Variants in ZNF658 observed in about 807,000 individuals in gnomAD.
ZNF658 encodes the protein zinc finger protein 658.
ZNF658 carries 46 observed loss-of-function variants against 78.0 expected under a neutral mutation model. That is an observed-to-expected ratio of 0.59 (90% CI 0.47 to 0.75). ZNF658 has a LOEUF of 0.75. ZNF658 is among the 30% of genes least tolerant of loss of function. ZNF658 has a pLI of 0.00. For missense variants in ZNF658, 785 were observed against 1,189.3 expected (o/e 0.66, Z 5.00); for synonymous variants, 279 against 408.4 (o/e 0.68, Z 3.82).
rs544365694 is a variant in ZNF658 at position 66,913,464 on chromosome 9, A to AC, written c.239-4336dup. Among the ~76,000 whole-genome samples, 556 of 150,212 alleles carry AC rather than the reference A, an allele frequency of 3.7e-3. 6 individuals carry two copies. Among genetic ancestry groups the AC allele is most frequent in the South Asian group, 0.012 (55 of 4,772 alleles). On this transcript the variant is annotated intron_variant, in intron 4 of 4. Transcript: ENST00000621410. ...AAAAAAAGTAGAAGCCTCCTCTTCC[A>AC]CCCCCAGGGGGTCAGATCAGTGGGG...
Position 66,908,366 on chromosome 9 carries a change from T to A in ZNF658, c.142+2T>A. 1 of 1,614,074 alleles carries A rather than the reference T, an allele frequency of 6.2e-7. No individual in the cohort carries two copies. The highest frequency in any genetic ancestry group is 1.1e-5 in the South Asian group (1 of 91,066). On this transcript the variant is annotated splice_donor_variant, in intron 3 of 4. Coordinates refer to ENST00000621410, the MANE Select transcript of ZNF658 (RefSeq NM_033160.7). LOFTEE classifies it high-confidence loss of function. The stretch of plus-strand genomic sequence containing the variant: ...ACTACAGCCACCTCATCTCAGTGGG[T>A]GAGCATAGCTTACCATGGGGCTCTC...
intron 4 of ZNF658, among the ~76,000 whole-genome samples, chr9:66,912,831 TGAGGCCAG>T (rs1822244732): frequency 6.7e-6 from 1 of 148,492 alleles, no homozygotes; most frequent in South Asian, 2.1e-4. Flanking sequence ...GCAGACCACT[TGAGGCCAG>T]GAGTTTAACG....
intron 4 of ZNF658, among the ~76,000 whole-genome samples, chr9:66,908,946 C>T (rs1160134566): frequency 2.0e-5 from 3 of 152,192 alleles, no homozygotes; most frequent in Non-Finnish European, 4.4e-5. Context: ...CATGTATAGA[C>T]ATTTTTTTCC....
downstream of ZNF658, among the ~76,000 whole-genome samples, chr9:66,922,394 T>G (rs1822541965): frequency 2.0e-5 from 3 of 151,032 alleles, no homozygotes; most frequent in South Asian, 6.3e-4. Flanking sequence ...GTACCTCAGA[T>G]GGAAATGCAG....
Position 66,912,140 on chromosome 9 carries a change from A to G in ZNF658, c.238+3406A>G, listed in dbSNP as rs550792956. Among the ~76,000 whole-genome samples, 811 of 120,488 alleles carry G rather than the reference A, an allele frequency of 6.7e-3. 122 individuals carry two copies. Among genetic ancestry groups the G allele is most frequent in the African/African-American group, 0.03 (750 of 24,928 alleles). The allele number at this position is 120,488 out of a possible 152,430, so 79.0% of individuals were successfully genotyped here. ...AGAGCAAGACCCCATCTCAAAAAAA[A>G]AAAAAAAAAAGACAAAAGAAAAAAC... On this transcript the variant is annotated intron_variant, in intron 4 of 4. Coordinates refer to ENST00000621410, the MANE Select transcript of ZNF658 (RefSeq NM_033160.7).
intron 1 of ZNF658, 95 bp downstream of exon 1, chr9:66,900,931 C>T (rs1212668112): frequency 6.6e-6 from 1 of 152,018 alleles, no homozygotes; most frequent in African/African-American, 2.4e-5. Context: ...CTCAGGAGTC[C>T]CCAGGATGGC....
chr9:66,918,241 T>C lies in ZNF658; in HGVS notation c.675T>C (p.Tyr225=). Residue 225 remains tyrosine (Y), a synonymous_variant, in exon 5 of 5, where the codon TAT becomes TAC. Transcript: ENST00000621410. ...GTGATGGATCTGGACAAGGTTTATA[T>C]GATAAGACAATTTGTATTACACCTC... ...FECDGSGQGL[Y]DKTICITPQS... 1.3e-5 allele frequency: 21 copies of C among 1,606,170 alleles called. No individual in the cohort carries two copies. Among genetic ancestry groups the C allele is most frequent in the Middle Eastern group, 1.7e-4 (1 of 6,016 alleles).
At chr9:66,906,916 T>C (rs1415132702) in intron 2 of ZNF658, among the ~76,000 whole-genome samples, 2 of 152,176 alleles carry the variant, frequency 1.3e-5, no homozygotes, top group Non-Finnish European at 2.9e-5. Context: ...GGTTTCTCAT[T>C]GCTTTTATGG....
At chr9:66,927,416 T>C (rs1321209949) in intron 6 of ZNF658, among the ~76,000 whole-genome samples, 2 of 152,082 alleles carry the variant, frequency 1.3e-5, no homozygotes, top group Admixed American at 1.3e-4. Context: ...TACACGATGG[T>C]GCATTTACTA....
Position 66,918,391 on chromosome 9 carries a change from T to C in ZNF658, c.825T>C (p.Tyr275=), listed in dbSNP as rs1021545852. 8 of 1,613,616 alleles carry C rather than the reference T, an allele frequency of 5.0e-6. No individual in the cohort carries two copies. Among genetic ancestry groups the C allele is most frequent in the African/African-American group, 4.0e-5 (3 of 74,840 alleles). The change falls in exon 5 of 5, where the codon TAT becomes TAC. Residue 275 remains tyrosine (Y), a synonymous_variant. Transcript: ENST00000621410. ...GGAAATGCTCTGATCTTAATGAATA[T>C]GGGACATCCTGTGACAAAACCACCG... ...TRGKCSDLNE[Y]GTSCDKTTAV...
At chr9:66,917,741 G>T in intron 4 of ZNF658, 64 bp from the exon 5 acceptor site, 4 of 1,457,800 alleles carry the variant, frequency 2.7e-6, no homozygotes, top group Non-Finnish European at 3.6e-6. Flanking sequence ...CAAAATATGA[G>T]TATAAGTTCT....
chr9:66,930,297 A>T (rs909787271), intron 6 of ZNF658, among the ~76,000 whole-genome samples: 6 of 142,434 alleles, frequency 4.2e-5, no homozygotes, highest in African/African-American at 1.5e-4. Flanking sequence ...TCTTTTTTCC[A>T]ACTTGTTTCC....
intron 6 of ZNF658, among the ~76,000 whole-genome samples, chr9:66,926,770 GC>G (rs2118133104): frequency 7.5e-6 from 1 of 133,432 alleles, no homozygotes; most frequent in South Asian, 2.8e-4. Flanking sequence ...AGAAGAAAGA[GC>G]AAGGCTAGAG....
intron 3 of ZNF658, 47 bp from the exon 4 acceptor site, chr9:66,908,592 A>G: frequency 6.5e-7 from 1 of 1,543,512 alleles, no homozygotes; most frequent in East Asian, 2.3e-5. Flanking sequence ...CCCTTTGGAA[A>G]TCCAAAAGCC....
chr9:66,915,088 C>T (rs1032124485), intron 4 of ZNF658, among the ~76,000 whole-genome samples: 3 of 113,492 alleles, frequency 2.6e-5, no homozygotes, highest in Non-Finnish European at 3.9e-5. Context: ...CACACACACA[C>T]ACACATACAC....
chr9:66,908,843 C>G (rs1260310086), intron 4 of ZNF658, 109 bp downstream of exon 4: 4 of 664,248 alleles, frequency 6.0e-6, no homozygotes, highest in Admixed American at 2.9e-5. Flanking sequence ...ATTCACATGC[C>G]TACAATTCAC....
chr9:66,917,893 A>C lies in ZNF658; in HGVS notation c.327A>C (p.Lys109Asn). The C allele has an allele frequency of 1.9e-6, 3 of 1,607,982 alleles. No individual in the cohort carries two copies. The highest frequency in any genetic ancestry group is 2.5e-6 in the Non-Finnish European group (3 of 1,178,964). The change falls in exon 5 of 5, where the codon AAA becomes AAC. Residue 109 changes from lysine (K) to asparagine (N), a missense_variant. Physicochemically the swap from Lys to Asn is moderately conservative, Grantham distance 94. Transcript: ENST00000621410. ...AAATATTCATCAGTGATGCTGACAA[A>C]ACATTGAGTAAAGAAGGACAGAAAG... ...WQEIFISDAD[K>N]TLSKEGQKVL...
intron 6 of ZNF658, among the ~76,000 whole-genome samples, chr9:66,929,954 T>A (rs1822625502): frequency 7.5e-6 from 1 of 134,182 alleles, no homozygotes; most frequent in African/African-American, 2.8e-5. Context: ...CAGCTAATTT[T>A]TGTAATTTTA....
intron 4 of ZNF658, among the ~76,000 whole-genome samples, chr9:66,913,339 C>T (rs1224651098): frequency 6.6e-6 from 1 of 151,760 alleles, no homozygotes; most frequent in African/African-American, 2.4e-5. Context: ...GCAGGAGAAT[C>T]GCTTGAACTC....
Sources: gnomAD v4.1 joint callset for allele counts (sites outside exome capture counted in the v4.1 genomes callset) on GRCh38, gnomAD v4.1.1 for gene constraint, MANE v1.5 for transcripts, NCBI Gene and HGNC (gene_info 2026-07-23, HGNC 2026-07-21) for gene names.